FGD3: variants seen among roughly 807,000 people sequenced by gnomAD.
FGD3 encodes the protein FYVE, RhoGEF and PH domain-containing protein 3.
FGD3 carries 45 observed loss-of-function variants against 71.8 expected under a neutral mutation model. The ratio of observed to expected loss-of-function variants is 0.63; its 90% CI spans 0.49 to 0.80. FGD3 has a LOEUF of 0.80. Ranked by LOEUF, FGD3 falls within the 30% of genes least tolerant of loss-of-function variation. FGD3 has a pLI of 0.00. For synonymous variants in FGD3, 378 were observed against 392.8 expected, an observed-to-expected ratio of 0.96 and a Z score of 0.44; for missense variants, 844 against 951.5, an observed-to-expected ratio of 0.89 and a Z score of 1.49.
chr9:92,995,970 A>G (rs1426949043), intron 3 of FGD3, among the ~76,000 whole-genome samples: 1 of 152,140 alleles, frequency 6.6e-6, no homozygotes, highest in Non-Finnish European at 1.5e-5. Context: ...AGGCTTTGGT[A>G]TCAGGATGTT....
At chr9:92,992,397 ATTTC>A (rs1860448337) in intron 3 of FGD3, among the ~76,000 whole-genome samples, 1 of 152,190 alleles carries the variant, frequency 6.6e-6, no homozygotes, top group South Asian at 2.1e-4. Context: ...TGTCTTGAGC[ATTTC>A]TTATAAGACT....
At position 93,021,251 on chromosome 9, in the gene FGD3, C is replaced by T. The variant is rs183619948; in HGVS notation, c.1494+827C>T. 6.6e-5 allele frequency among the ~76,000 whole-genome samples: 10 copies of T among 152,306 alleles called. No individual in the cohort carries two copies. In the East Asian group the frequency reaches 1.7e-3, roughly 26 times the overall value. ...AGGGAAGCAATAGGAGCATCTCACT[C>T]CCCATCCTCACGTGGAGCTGCCCCA... On this transcript the variant is annotated intron_variant, in intron 13 of 17. Coordinates refer to ENST00000375482, the MANE Select transcript of FGD3 (RefSeq NM_001083536.2).
intron 1 of FGD3, among the ~76,000 whole-genome samples, chr9:92,955,737 C>G: frequency 6.6e-6 from 1 of 152,210 alleles, no homozygotes; most frequent in Admixed American, 6.5e-5. Flanking sequence ...CACCTGCTCC[C>G]TGCCTGCCCC....
At chr9:93,004,374 G>A (rs1043245043) in intron 5 of FGD3, among the ~76,000 whole-genome samples, 2 of 152,230 alleles carry the variant, frequency 1.3e-5, no homozygotes, top group African/African-American at 4.8e-5. Context: ...GGAATGAAGG[G>A]CTTTTAACGC....
intron 3 of FGD3, among the ~76,000 whole-genome samples, chr9:92,982,940 G>C (rs1860051837): frequency 6.6e-6 from 1 of 152,014 alleles, no homozygotes; most frequent in African/African-American, 2.4e-5. Context: ...ACAAAAATTA[G>C]CTGGGCATGG....
rs546902683 is a variant in FGD3, at chr9:92,994,145, AATG to A, written c.454-8777_454-8775del. ...AGCACCTGTTCTTTCCTGACTTTTT[AATG>A]ATTGCCATTCTAACTGGTGTTAGAT... On this transcript the variant is annotated intron_variant, in intron 3 of 17. Coordinates refer to ENST00000375482, the MANE Select transcript of FGD3 (RefSeq NM_001083536.2). Among the ~76,000 whole-genome samples, 367 of 152,044 alleles carry A rather than the reference AATG, an allele frequency of 2.4e-3. 4 individuals are homozygous for A. Among genetic ancestry groups the A allele is most frequent in the African/African-American group, 8.6e-3 (358 of 41,456 alleles).
In FGD3 at chr9:92,963,847, C is replaced by T. The variant is rs940817696; in HGVS notation, c.-217-11391C>T. The T allele has an allele frequency of 3.9e-5, 6 of 152,328 alleles. No homozygotes were observed. The East Asian group carries it at 1.2e-3, about 29-fold the overall frequency. The allele number at this position is 152,328 out of a possible 1,614,324, so 9.4% of individuals were successfully genotyped here. A position where few individuals can be genotyped will look rare whatever the true frequency, so the allele number is the denominator to read the frequency against. ...AATATCTGTTTGCAGGGGGCCTCTT[C>T]ACCTTCTAACTTGTGGCCATTTCAT... is the stretch of plus-strand genomic sequence containing the variant. On this transcript the variant is annotated intron_variant, in intron 1 of 17. Coordinates refer to ENST00000375482, the MANE Select transcript of FGD3 (RefSeq NM_001083536.2).
chr9:92,987,174 T>C (rs1323085733), intron 3 of FGD3, among the ~76,000 whole-genome samples: 10 of 152,130 alleles, frequency 6.6e-5, no homozygotes, highest in Non-Finnish European at 1.3e-4. Flanking sequence ...GGCTCACGCC[T>C]GTAATGCCAG....
At position 93,006,131 on chromosome 9, in the gene FGD3, C is replaced by T. The variant is rs1196180220; in HGVS notation, c.788C>T (p.Thr263Met). 3.1e-6 allele frequency: 5 copies of T among 1,612,524 alleles called. No individual in the cohort carries two copies. Among genetic ancestry groups the T allele is most frequent in the African/African-American group, 2.7e-5 (2 of 74,884 alleles). The change falls in exon 6 of 18, where the codon ACG becomes ATG. Residue 263 changes from threonine to methionine, a missense_variant. Physicochemically the swap from Thr to Met is moderately conservative, Grantham distance 81. Coordinates refer to ENST00000375482, the MANE Select transcript of FGD3 (RefSeq NM_001083536.2). ...GACCGAGCCGTAGGGCTGGTGAGCACGTGGACCCAGCGCTCCCCACTGTTT... is the reference window on the plus strand; with the variant it reads ...GACCGAGCCGTAGGGCTGGTGAGCATGTGGACCCAGCGCTCCCCACTGTTT... ...NFDRAVGLVS[T>M]WTQRSPLFKD...
At position 92,976,492 on chromosome 9, in the gene FGD3, A is replaced by G; in HGVS notation, c.236A>G (p.Asp79Gly). The G allele has an allele frequency of 6.2e-7, 1 of 1,612,370 alleles. No individual in the cohort carries two copies. Among genetic ancestry groups the G allele is most frequent in the East Asian group, 2.2e-5 (1 of 44,856 alleles). ...ATCCCCAACCGGGACAGCGGGATCG[A>G]CAGTCCCTCCTCCAGTGTGGCTGGA... ...LKIPNRDSGI[D>G]SPSSSVAGEN... The change falls in exon 3 of 18, where the codon GAC becomes GGC. Residue 79 changes from aspartate to glycine, a missense_variant. Coordinates refer to ENST00000375482, the MANE Select transcript of FGD3 (RefSeq NM_001083536.2).
chr9:92,968,688 G>A (rs777268632), intron 1 of FGD3, among the ~76,000 whole-genome samples: 14 of 145,970 alleles, frequency 9.6e-5, no homozygotes, highest in Non-Finnish European at 1.9e-4. Flanking sequence ...TGCAACCTCC[G>A]CCTCATGGGT....
chr9:92,980,282 A>C (rs776322002), intron 3 of FGD3, among the ~76,000 whole-genome samples: 1 of 152,186 alleles, frequency 6.6e-6, no homozygotes, highest in African/African-American at 2.4e-5. Flanking sequence ...TGGCCTCCCA[A>C]GTGCTGGGAT....
intron 1 of FGD3, among the ~76,000 whole-genome samples, chr9:92,954,883 C>T (rs1007868883): frequency 3.3e-5 from 5 of 152,158 alleles, no homozygotes; most frequent in Admixed American, 6.5e-5. Flanking sequence ...CTCTCTGAAC[C>T]ACAGCTTTGT....
chr9:93,012,551 G>A (rs964125072), intron 8 of FGD3, among the ~76,000 whole-genome samples: 6 of 152,146 alleles, frequency 3.9e-5, no homozygotes, highest in African/African-American at 7.2e-5. Context: ...TTGGAAGGCC[G>A]AGGTGGGCGA....
chr9:92,980,990 G>GA (rs896120446), intron 3 of FGD3, among the ~76,000 whole-genome samples: 1 of 150,748 alleles, frequency 6.6e-6, no homozygotes, highest in African/African-American at 2.4e-5. Context: ...AAAGAAAAAA[G>GA]AAAAAAAATG....
At position 93,034,692 on chromosome 9, in the gene FGD3, C is replaced by G; in HGVS notation, c.1926+11C>G. ...CAGGGAGGCAGCCAGGTACGTGTCCCCACCCCACCAGGCCCTCAGGCCAGC... is the reference window on the plus strand; with the variant it reads ...CAGGGAGGCAGCCAGGTACGTGTCCGCACCCCACCAGGCCCTCAGGCCAGC... On this transcript the variant is annotated intron_variant, in intron 17 of 17. Coordinates refer to ENST00000375482, the MANE Select transcript of FGD3 (RefSeq NM_001083536.2). The G allele has an allele frequency of 6.2e-7, 1 of 1,610,264 alleles. No individual in the cohort carries two copies. The highest frequency in any genetic ancestry group is 1.1e-5 in the South Asian group (1 of 90,650).
rs1418806020 is a variant in FGD3, at chr9:93,035,556, G to A, written c.2145G>A (p.Gln715=). The A allele has an allele frequency of 1.2e-6, 2 of 1,601,866 alleles. No homozygotes were observed. Among genetic ancestry groups the A allele is most frequent in the East Asian group, 4.5e-5 (2 of 44,718 alleles). The part of the protein sequence containing the change: ...DTAQDSPGAL[Q]LQVPMGAAAP ...CCCAGGACAGCCCGGGGGCCCTGCAGCTTCAGGTCCCTATGGGCGCAGCTG... is the reference window on the plus strand; with the variant it reads ...CCCAGGACAGCCCGGGGGCCCTGCAACTTCAGGTCCCTATGGGCGCAGCTG... The change falls in exon 18 of 18, where the codon CAG becomes CAA. Residue 715 remains glutamine, a synonymous_variant. Transcript: ENST00000375482.
intron 3 of FGD3, among the ~76,000 whole-genome samples, chr9:92,986,851 G>T (rs1860204652): frequency 6.6e-6 from 1 of 152,220 alleles, no homozygotes. Context: ...CAGGGGAAGG[G>T]TTAGAGGTCA....
intron 1 of FGD3, among the ~76,000 whole-genome samples, chr9:92,949,454 A>G (rs980521032): frequency 6.6e-6 from 1 of 152,090 alleles, no homozygotes; most frequent in Non-Finnish European, 1.5e-5. Context: ...ATGTGGGCCC[A>G]TTTCCTCATC....
Sources: allele counts gnomAD v4.1 joint callset (sites outside exome capture counted in the v4.1 genomes callset), GRCh38; gene constraint gnomAD v4.1.1; transcripts MANE v1.5; gene names NCBI Gene and HGNC (gene_info 2026-07-23, HGNC 2026-07-21).